The following PDE11A variants were observed in gnomAD, a reference collection of about 807,000 sequenced individuals.
PDE11A encodes the protein dual 3',5'-cyclic-AMP and -GMP phosphodiesterase 11A.
Under a neutral mutation model 100.5 loss-of-function variants are expected in PDE11A, and 100 were observed. The observed-to-expected ratio is 1.00, with a 90% CI of 0.85 to 1.18. The LOEUF (loss-of-function observed/expected upper bound fraction) is 1.18, where lower values mean the gene tolerates loss of function less well. Among genes scored for constraint, PDE11A ranks in the 50% most tolerant of loss-of-function variants. PDE11A has a pLI of 0.00. For synonymous variants in PDE11A, 381 were observed against 420.8 expected, an observed-to-expected ratio of 0.91 and a Z score of 1.16; for missense variants, 1,141 against 1,152.6, an observed-to-expected ratio of 0.99 and a Z score of 0.15.
chr2:178,034,732 G>C (rs1030297053), intron 1 of PDE11A, among the ~76,000 whole-genome samples: 2 of 152,040 alleles, frequency 1.3e-5, no homozygotes, highest in Non-Finnish European at 2.9e-5. Context: ...ACTAAAAACC[G>C]CACAACTACA....
chr2:178,056,831 G>A (rs78461607), intron 1 of PDE11A, among the ~76,000 whole-genome samples: 2,244 of 152,106 alleles, frequency 0.015, 44 homozygotes, highest in East Asian at 0.091. Flanking sequence ...TAAGGTCATA[G>A]AAGGCAAGAA....
At chr2:178,076,720 A>C (rs1375906138), upstream of PDE11A, among the ~76,000 whole-genome samples, 1 of 152,220 alleles carries the variant, frequency 6.6e-6, no homozygotes, top group African/African-American at 2.4e-5. Context: ...AAACTTAGTT[A>C]CTTAAAACAA....
chr2:177,888,355 T>G (rs966397090), intron 4 of PDE11A, among the ~76,000 whole-genome samples: 1 of 152,098 alleles, frequency 6.6e-6, no homozygotes, highest in African/African-American at 2.4e-5. Context: ...ATATGGAAAC[T>G]ATAATTTTGA....
At chr2:178,081,374 A>G (rs142527595) in intron 2 of PDE11A, among the ~76,000 whole-genome samples, 1 of 152,244 alleles carries the variant, frequency 6.6e-6, no homozygotes, top group African/African-American at 2.4e-5. Context: ...ATGTCTTACC[A>G]GTTTATAAAA....
At chr2:178,075,551 CAAA>C (rs397756518), upstream of PDE11A, among the ~76,000 whole-genome samples, 3 of 47,850 alleles carry the variant, frequency 6.3e-5, no homozygotes, top group East Asian at 1.6e-3. Flanking sequence ...GACTCTGTCT[CAAA>C]AAAAAAAAAA....
intron 2 of PDE11A, among the ~76,000 whole-genome samples, chr2:177,940,589 T>C (rs1476744788): frequency 2.0e-5 from 3 of 152,218 alleles, no homozygotes; most frequent in Non-Finnish European, 4.4e-5. Flanking sequence ...ATCAATTTCA[T>C]TTAGAAAACA....
intron 10 of PDE11A, among the ~76,000 whole-genome samples, chr2:177,737,264 T>TAAATAAAATA (rs59497046): frequency 2.8e-5 from 4 of 144,704 alleles, no homozygotes; most frequent in African/African-American, 1.0e-4. Context: ...AATAAATAAA[T>TAAATAAAATA]AAATAAAATA....
intron 19 of PDE11A, among the ~76,000 whole-genome samples, chr2:177,634,190 CCTT>C (rs2105436827): frequency 1.3e-5 from 2 of 152,266 alleles, no homozygotes; most frequent in African/African-American, 4.8e-5. Flanking sequence ...TCTTTGTTCT[CCTT>C]CTTGCTTCCT....
At chr2:177,988,538 T>C (rs2085966621) in intron 2 of PDE11A, among the ~76,000 whole-genome samples, 1 of 152,226 alleles carries the variant, frequency 6.6e-6, no homozygotes, top group South Asian at 2.1e-4. Flanking sequence ...AGGGACCCCA[T>C]GCTTAGAAGA....
chr2:178,024,685 T>C (rs2086457392), intron 1 of PDE11A, among the ~76,000 whole-genome samples: 2 of 152,056 alleles, frequency 1.3e-5, no homozygotes, highest in Admixed American at 6.6e-5. Flanking sequence ...TTAATGGAAA[T>C]AAAAAAACAT....
intron 1 of PDE11A, among the ~76,000 whole-genome samples, chr2:178,024,662 T>TA (rs1311825301): frequency 6.6e-6 from 1 of 152,196 alleles, no homozygotes; most frequent in Non-Finnish European, 1.5e-5. Context: ...TATGGAGTTG[T>TA]AATGTAGAGA....
chr2:177,856,649 A>C (rs2083838817), intron 5 of PDE11A, among the ~76,000 whole-genome samples: 1 of 152,068 alleles, frequency 6.6e-6, no homozygotes. Context: ...AAGTATAGTA[A>C]CAGAAATAAA....
At chr2:178,023,607 C>T (rs1054946932) in intron 1 of PDE11A, among the ~76,000 whole-genome samples, 1 of 152,148 alleles carries the variant, frequency 6.6e-6, no homozygotes, top group African/African-American at 2.4e-5. Context: ...TTTTTAAAAA[C>T]CAGAATCTTG....
At chr2:177,790,398 T>G (rs1026831823) in intron 9 of PDE11A, among the ~76,000 whole-genome samples, 2 of 151,532 alleles carry the variant, frequency 1.3e-5, no homozygotes, top group South Asian at 4.2e-4. Context: ...TCAAGATGGA[T>G]TAAAGACTTA....
chr2:178,028,947 G>T (rs2086512054), intron 1 of PDE11A, among the ~76,000 whole-genome samples: 1 of 152,146 alleles, frequency 6.6e-6, no homozygotes. Context: ...AGTAGAAATT[G>T]CAACAAGCCC....
chr2:178,098,763 A>G (rs1487311762), intron 2 of PDE11A, among the ~76,000 whole-genome samples: 1 of 152,196 alleles, frequency 6.6e-6, no homozygotes, highest in Non-Finnish European at 1.5e-5. Context: ...TTTTTGTATA[A>G]TGTAAGCATT....
intron 1 of PDE11A, among the ~76,000 whole-genome samples, chr2:178,046,088 G>C (rs1214021170): frequency 1.3e-5 from 2 of 152,148 alleles, no homozygotes; most frequent in Non-Finnish European, 2.9e-5. Context: ...GTAAAATGTA[G>C]GAAGTAACGG....
chr2:177,925,269 GTTATTT>G, intron 2 of PDE11A, among the ~76,000 whole-genome samples: 1 of 152,090 alleles, frequency 6.6e-6, no homozygotes, highest in East Asian at 1.9e-4. Flanking sequence ...TGGGTCAAAT[GTTATTT>G]CTAGTTCTAG....
At chr2:177,979,524 T>G (rs2085853019) in intron 2 of PDE11A, among the ~76,000 whole-genome samples, 1 of 150,158 alleles carries the variant, frequency 6.7e-6, no homozygotes, top group African/African-American at 2.4e-5. Flanking sequence ...TTTCCTGGTA[T>G]GCAGCGTCTC....
Sources: allele counts gnomAD v4.1 joint callset (sites outside exome capture counted in the v4.1 genomes callset), GRCh38; gene constraint gnomAD v4.1.1; transcripts MANE v1.5; gene names NCBI Gene and HGNC (gene_info 2026-07-23, HGNC 2026-07-21).